THBS2: variants seen among roughly 807,000 people sequenced by gnomAD.
The protein encoded by THBS2 is thrombospondin-2.
THBS2 carries 47 observed loss-of-function variants against 135.2 expected under a neutral mutation model. The ratio of observed to expected loss-of-function variants is 0.35; its 90% CI spans 0.28 to 0.44. THBS2 has a LOEUF of 0.44. THBS2 is among the 20% of genes least tolerant of loss of function. THBS2 has a pLI of 1.00. For synonymous variants in THBS2, 639 were observed against 633.8 expected (o/e 1.01, Z -0.12); for missense variants, 1,288 against 1,603.1 (o/e 0.80, Z 3.36).
In THBS2 at chr6:169,248,495, C is replaced by A. The variant is rs1323225289; in HGVS notation, c.531G>T (p.Glu177Asp). 1 of 1,614,058 alleles carries A rather than the reference C, an allele frequency of 6.2e-7. No individual in the cohort carries two copies. Among genetic ancestry groups the A allele is most frequent in the Non-Finnish European group, 8.5e-7 (1 of 1,180,034 alleles). ...CDLIDSFALD[E>D]PFYEHLQAEK... ...CCGCCTGCAGGTGCTCGTAGAAGGG[C>A]TCGTCCAGAGCGAAGCTGTCTATGA... Residue 177 changes from glutamate to aspartate, a missense_variant, in exon 3 of 22, where the codon GAG (glutamate) becomes GAT (aspartate). Physicochemically the swap from Glu to Asp is conservative, Grantham distance 45. This residue lies in a region of THBS2 where 414 missense variants were observed against 447.0 expected (regional missense o/e 0.93). Coordinates refer to ENST00000617924, the MANE Select transcript of THBS2 (RefSeq NM_003247.5).
At chr6:169,240,403 G>A in intron 6 of THBS2, 49 bp downstream of exon 6, 1 of 1,599,550 alleles carries the variant, frequency 6.3e-7, no homozygotes, top group Non-Finnish European at 8.5e-7. Flanking sequence ...GTTCTGCCAA[G>A]TGTCCGATGG....
At chr6:169,221,734 A>G (rs7382431) in intron 19 of THBS2, among the ~76,000 whole-genome samples, 1 of 152,052 alleles carries the variant, frequency 6.6e-6, no homozygotes, top group East Asian at 1.9e-4. Context: ...GCTGAGAGCC[A>G]AGGCACCTGA....
intron 9 of THBS2, among the ~76,000 whole-genome samples, chr6:169,236,435 T>C (rs1780076451): frequency 9.9e-6 from 1 of 101,106 alleles, no homozygotes; most frequent in Admixed American, 1.1e-4. Context: ...TCACTCCCCA[T>C]CCACACTCAT....
rs1418444949 is a variant in THBS2 at position 169,248,764 on chromosome 6, C to G, written c.262G>C (p.Ala88Pro). ...MRQKEGFFLT[A>P]QLKQDGKSRG... ...GACTTGCCGTCCTGCTTGAGCTGGG[C>G]CGTGAGGAAGAAGCCCTCCTTCTGC... The change falls in exon 3 of 22, where the codon GCC becomes CCC. Residue 88 changes from alanine (A) to proline (P), a missense_variant. Physicochemically the swap from Ala to Pro is conservative, Grantham distance 27. Around this residue, in one of 2 missense-constraint regions of THBS2, gnomAD observed 414 missense variants for 447.0 expected, o/e 0.93. Coordinates refer to ENST00000617924, the MANE Select transcript of THBS2 (RefSeq NM_003247.5). 2.5e-6 allele frequency: 4 copies of G among 1,612,534 alleles called. No individual in the cohort carries two copies. In the African/African-American group the frequency reaches 5.3e-5, roughly 22 times the overall value.
intron 4 of THBS2, among the ~76,000 whole-genome samples, chr6:169,243,143 C>T (rs1475452945): frequency 1.1e-4 from 16 of 141,302 alleles, no homozygotes; most frequent in African/African-American, 3.5e-4. Context: ...CCACCGCTCC[C>T]ACCTTCCCAC....
At chr6:169,229,265 G>A (rs55933869) in intron 14 of THBS2, among the ~76,000 whole-genome samples, 3,590 of 152,364 alleles carry the variant, frequency 0.024, 140 homozygotes, top group African/African-American at 0.081. Context: ...ACTCATGGTG[G>A]TGTCAGCCTT....
intron 3 of THBS2, among the ~76,000 whole-genome samples, chr6:169,247,490 T>G (rs532780767): frequency 6.6e-6 from 1 of 152,010 alleles, no homozygotes; most frequent in Non-Finnish European, 1.5e-5. Context: ...TGTGTGGTTC[T>G]GTGTATGCAT....
Position 169,220,296 on chromosome 6 carries a change from C to T in THBS2, c.3413G>A (p.Gly1138Glu). The T allele has an allele frequency of 6.2e-7, 1 of 1,613,838 alleles. No homozygotes were observed. The highest frequency in any genetic ancestry group is 8.5e-7 in the Non-Finnish European group (1 of 1,179,872). The change falls in exon 21 of 22, where the codon GGA becomes GAA. Residue 1138 changes from glycine (G) to glutamate (E), a missense_variant. This residue lies in a region of THBS2 where 874 missense variants were observed against 1,156.1 expected (regional missense o/e 0.76). Coordinates refer to ENST00000617924, the MANE Select transcript of THBS2 (RefSeq NM_003247.5). ...AGCGTAGGTTTGGTCATAGATAGGT[C>T]CTGAGTCTGCCATGACCTGTTTTCC... Reference protein sequence around the residue: ...HEGKQVMADSGPIYDQTYAGG... With the variant: ...HEGKQVMADSEPIYDQTYAGG...
intron 13 of THBS2, among the ~76,000 whole-genome samples, chr6:169,231,494 A>T (rs1431146542): frequency 6.6e-6 from 1 of 152,160 alleles, no homozygotes; most frequent in Non-Finnish European, 1.5e-5. Flanking sequence ...GGCCACAGGA[A>T]AGCAGTCCAG....
At chr6:169,227,323 G>T (rs1779668626) in intron 15 of THBS2, among the ~76,000 whole-genome samples, 1 of 152,154 alleles carries the variant, frequency 6.6e-6, no homozygotes, top group Admixed American at 6.5e-5. Context: ...CCAAGAGAAG[G>T]GATGACCATG....
chr6:169,225,779 A>G (rs9505888), intron 16 of THBS2, among the ~76,000 whole-genome samples: 85,817 of 152,068 alleles, frequency 0.56, 24,605 homozygotes, highest in Middle Eastern at 0.63. Context: ...TTTCAAACGC[A>G]AACCTGGAAA....
chr6:169,244,814 A>G (rs1780488584), intron 4 of THBS2, among the ~76,000 whole-genome samples: 1 of 152,144 alleles, frequency 6.6e-6, no homozygotes, highest in African/African-American at 2.4e-5. Flanking sequence ...AGGCACAGTG[A>G]GGGTCGTGGT....
intron 1 of THBS2, among the ~76,000 whole-genome samples, chr6:169,251,055 A>C (rs576865213): frequency 1.3e-5 from 2 of 152,184 alleles, no homozygotes; most frequent in East Asian, 3.9e-4. Context: ...AAATATTCCT[A>C]TTATTTCATC....
chr6:169,236,490 TCTCCACATTCACTC>T (rs1780081603), intron 9 of THBS2, among the ~76,000 whole-genome samples: 1 of 29,980 alleles, frequency 3.3e-5, no homozygotes, highest in African/African-American at 8.8e-5. Flanking sequence ...CCACACTCAC[TCTCCACATTCACTC>T]CCATCTACAC....
chr6:169,232,668 T>C lies in THBS2; in HGVS notation c.1928A>G (p.Lys643Arg). The C allele has an allele frequency of 1.2e-6, 2 of 1,600,290 alleles. No individual in the cohort carries two copies. The highest frequency in any genetic ancestry group is 1.7e-6 in the Non-Finnish European group (2 of 1,174,150). The change falls in exon 12 of 22, where the codon AAG becomes AGG. Residue 643 changes from lysine (K) to arginine (R), a missense_variant. By Grantham distance (26) the Lys-to-Arg change is conservative. Around this residue, in one of 2 missense-constraint regions of THBS2, gnomAD observed 874 missense variants for 1,156.1 expected, o/e 0.76. Transcript: ENST00000617924. ...GVGLEAAKTEKQVCEPENPCK... is the reference protein window; with the variant it reads ...GVGLEAAKTERQVCEPENPCK... ...AGGAAGGCCGGCCTTGCGTACTTGC[T>C]TTTCCGTCTTGGCTGCTTCCAGGCC...
In THBS2 at chr6:169,248,427, C is replaced by T; in HGVS notation, c.599G>A (p.Ser200Asn). 1 of 1,603,726 alleles carries T rather than the reference C, an allele frequency of 6.2e-7. No homozygotes were observed. ...CCCTGCAGAGCGTACCCTGAAGTGA[C>T]TCTCTCTGGCAGAGCCTTTGGCCAC... ...MYVAKGSARE[S>N]HFRGLLQNVH... The change falls in exon 3 of 22, where the codon AGT becomes AAT. Residue 200 changes from serine to asparagine, a missense_variant. Around this residue, in one of 2 missense-constraint regions of THBS2, gnomAD observed 414 missense variants for 447.0 expected, o/e 0.93. Coordinates refer to ENST00000617924, the MANE Select transcript of THBS2 (RefSeq NM_003247.5).
At chr6:169,242,262 G>A (rs946425555) in intron 4 of THBS2, among the ~76,000 whole-genome samples, 21 of 152,158 alleles carry the variant, frequency 1.4e-4, no homozygotes, top group Non-Finnish European at 2.2e-4. Flanking sequence ...GTGGGGAGAC[G>A]CATCAGCATA....
At chr6:169,235,003 G>A (rs1294255681) in intron 9 of THBS2, 96 bp from the exon 10 acceptor site, 4 of 1,284,796 alleles carry the variant, frequency 3.1e-6, no homozygotes, top group Non-Finnish European at 4.3e-6. Flanking sequence ...GGGACATGGT[G>A]TTCCCTACAC....
chr6:169,248,416 C>G lies in THBS2; in HGVS notation c.609+1G>C. 1 of 1,601,462 alleles carries G rather than the reference C, an allele frequency of 6.2e-7. No homozygotes were observed. ...GGCGGCCACCTCCCTGCAGAGCGTA[C>G]CCTGAAGTGACTCTCTCTGGCAGAG... On this transcript the variant is annotated splice_donor_variant, in intron 3 of 21. Transcript: ENST00000617924. LOFTEE classifies it high-confidence loss of function.
Sources: gnomAD v4.1 joint callset for allele counts (sites outside exome capture counted in the v4.1 genomes callset) on GRCh38, gnomAD v4.1.1 for gene constraint, gnomAD v4.1.1 regional missense constraint, MANE v1.5 for transcripts, NCBI Gene and HGNC (gene_info 2026-07-23, HGNC 2026-07-21) for gene names.